CEP63: variants seen among roughly 807,000 people sequenced by gnomAD.
The protein encoded by CEP63 is centrosomal protein 63, also known as centrosomal protein of 63 kDa.
A neutral mutation model predicts 89.1 loss-of-function variants in CEP63; 84 were observed. That is an observed-to-expected ratio of 0.94 (90% CI 0.79 to 1.13). The LOEUF (loss-of-function observed/expected upper bound fraction) is 1.13, where lower values mean the gene tolerates loss of function less well. Among genes scored for constraint, CEP63 ranks in the 50% most tolerant of loss-of-function variants. The pLI is 0.00. For missense variants in CEP63, 838 were observed against 813.3 expected, an observed-to-expected ratio of 1.03 and a Z score of -0.37; for synonymous variants, 267 against 272.5, an observed-to-expected ratio of 0.98 and a Z score of 0.20.
At chr3:134,681,224 T>A in the CEP63 span, among the ~76,000 whole-genome samples, 3 of 151,954 alleles carry the variant, frequency 2.0e-5, no homozygotes, top group Non-Finnish European at 4.4e-5. Flanking sequence ...GCTATTCAGG[T>A]GGGAACATGT....
chr3:134,672,817 T>G, the CEP63 span, among the ~76,000 whole-genome samples: 2 of 152,204 alleles, frequency 1.3e-5, no homozygotes, highest in Non-Finnish European at 2.9e-5. Context: ...CAAGCCTCCA[T>G]CAACCATTGC....
chr3:134,577,682 C>T (rs755361649), downstream of CEP63, among the ~76,000 whole-genome samples: 8 of 151,918 alleles, frequency 5.3e-5, no homozygotes, highest in Admixed American at 2.0e-4. Context: ...TATACATGTG[C>T]CATGGTGGTT....
In CEP63 at chr3:134,563,817, C is replaced by T. The variant is rs1400347061; in HGVS notation, c.*2282C>T. 6.6e-6 allele frequency: 1 copy of T among 152,340 alleles called. No homozygotes were observed. The highest frequency in any genetic ancestry group is 1.5e-5 in the Non-Finnish European group (1 of 68,162). 9.4% of individuals were successfully genotyped at this position (152,340 alleles called of 1,614,324 possible). A position where few individuals can be genotyped will look rare whatever the true frequency, so the allele number is the denominator to read the frequency against. On this transcript the variant is annotated 3_prime_UTR_variant, in exon 15 of 15. Transcript: ENST00000675561. ...GGGCCTAATCACCCATTGCATCATCCTTTACTGTGCTCCACCCATGCTGGC... is the reference window on the plus strand; with the variant it reads ...GGGCCTAATCACCCATTGCATCATCTTTTACTGTGCTCCACCCATGCTGGC...
the CEP63 span, chr3:134,608,353 G>A: frequency 2.1e-5 from 28 of 1,327,302 alleles, no homozygotes; most frequent in Non-Finnish European, 2.7e-5. Flanking sequence ...TGTGTGTTCA[G>A]CCTTCAAGTT....
intron 10 of CEP63, among the ~76,000 whole-genome samples, chr3:134,581,679 A>ATTTTTTTTT (rs1231214008): frequency 8.1e-5 from 10 of 124,200 alleles, no homozygotes; most frequent in East Asian, 2.3e-4. Flanking sequence ...TGATGAAAAC[A>ATTTTTTTTT]TTTTTTTTTT....
chr3:134,569,261 T>G (rs1244033075), downstream of CEP63, among the ~76,000 whole-genome samples: 1 of 152,186 alleles, frequency 6.6e-6, no homozygotes. Context: ...CCAAAAGTCT[T>G]AACTTATTTC....
At chr3:134,636,257 G>A in the CEP63 span, among the ~76,000 whole-genome samples, 1 of 152,182 alleles carries the variant, frequency 6.6e-6, no homozygotes, top group African/African-American at 2.4e-5. Context: ...CTTATCAGTA[G>A]TGCAAGAGAA....
At chr3:134,631,155 T>C in the CEP63 span, among the ~76,000 whole-genome samples, 1 of 152,286 alleles carries the variant, frequency 6.6e-6, no homozygotes, top group African/African-American at 2.4e-5. Context: ...AATAATATGA[T>C]GCAGAAAAAA....
rs938147629 is a variant in CEP63 at position 134,507,311 on chromosome 3, T to G, written c.222+25T>G. Reference sequence around the variant, plus strand: ...GGTAAAGCAATTTATTTGTTCTTCTTTTTGACATTTTTATCTTGTCTTTTA... The same window carrying G: ...GGTAAAGCAATTTATTTGTTCTTCTGTTTGACATTTTTATCTTGTCTTTTA... On this transcript the variant is annotated intron_variant, in intron 3 of 14. Coordinates refer to ENST00000675561, the MANE Select transcript of CEP63 (RefSeq NM_001353108.3). 4.5e-6 allele frequency: 7 copies of G among 1,553,366 alleles called. No homozygotes were observed. In the Admixed American group the frequency reaches 1.2e-4, roughly 26 times the overall value.
intron 2 of CEP63, among the ~76,000 whole-genome samples, chr3:134,505,160 A>G (rs895777012): frequency 2.6e-5 from 4 of 151,862 alleles, no homozygotes; most frequent in Non-Finnish European, 1.5e-5. Flanking sequence ...TGTTCCTTTG[A>G]GGTGTCCTTT....
chr3:134,641,911 C>T, the CEP63 span, among the ~76,000 whole-genome samples: 11 of 152,210 alleles, frequency 7.2e-5, no homozygotes, highest in Admixed American at 3.3e-4. Flanking sequence ...AATCCACTCT[C>T]ATTATAGCCA....
chr3:134,727,170 C>A, the CEP63 span, among the ~76,000 whole-genome samples: 1 of 152,102 alleles, frequency 6.6e-6, no homozygotes, highest in Non-Finnish European at 1.5e-5. Flanking sequence ...GAACACCAAG[C>A]CCAGTCTGCA....
intron 1 of CEP63, among the ~76,000 whole-genome samples, chr3:134,492,527 GTTTAC>G (rs1281265108): frequency 5.4e-5 from 8 of 149,326 alleles, no homozygotes; most frequent in Non-Finnish European, 1.0e-4. Context: ...ACATTAGTAA[GTTTAC>G]TTTATTTCTC....
chr3:134,627,256 T>C, the CEP63 span, among the ~76,000 whole-genome samples: 7 of 152,010 alleles, frequency 4.6e-5, no homozygotes, highest in Non-Finnish European at 7.4e-5. Context: ...AGCAAAACAA[T>C]AGGAAGAAGT....
At chr3:134,623,316 C>A in the CEP63 span, among the ~76,000 whole-genome samples, 9 of 152,286 alleles carry the variant, frequency 5.9e-5, no homozygotes, top group South Asian at 1.9e-3. Flanking sequence ...GGGCCCTTTG[C>A]AGACTCCAGA....
At chr3:134,730,398 G>T in the CEP63 span, among the ~76,000 whole-genome samples, 1 of 152,166 alleles carries the variant, frequency 6.6e-6, no homozygotes, top group African/African-American at 2.4e-5. Context: ...CCACCTGGTT[G>T]TAACAATAAC....
chr3:134,570,220 T>C (rs1957958757), intron 11 of CEP63, among the ~76,000 whole-genome samples: 1 of 151,198 alleles, frequency 6.6e-6, no homozygotes, highest in African/African-American at 2.4e-5. Flanking sequence ...TCATTACTTA[T>C]GCAAATTTCT....
At chr3:134,500,677 C>G (rs1337812119) in intron 2 of CEP63, among the ~76,000 whole-genome samples, 1 of 152,074 alleles carries the variant, frequency 6.6e-6, no homozygotes, top group African/African-American at 2.4e-5. Context: ...ATTTGCATTT[C>G]TCTGATGATT....
At chr3:134,647,456 A>C in the CEP63 span, 1 of 1,612,154 alleles carries the variant, frequency 6.2e-7, no homozygotes, top group South Asian at 1.1e-5. Flanking sequence ...TTTCCTTCTA[A>C]TTTCTGCCAT....
Sources: gnomAD v4.1 joint callset for allele counts (sites outside exome capture counted in the v4.1 genomes callset) on GRCh38, gnomAD v4.1.1 for gene constraint, MANE v1.5 for transcripts, NCBI Gene and HGNC (gene_info 2026-07-23, HGNC 2026-07-21) for gene names.